COLEC12: variants seen among roughly 807,000 people sequenced by gnomAD.
The protein encoded by COLEC12 is collectin-12.
Under a neutral mutation model 71.1 loss-of-function variants are expected in COLEC12, and 33 were observed. The ratio of observed to expected loss-of-function variants is 0.46; its 90% CI spans 0.35 to 0.62. COLEC12 has a LOEUF of 0.62. Among genes scored for constraint, COLEC12 ranks in the 20% least tolerant of loss-of-function variants. The pLI, the probability that COLEC12 is intolerant of heterozygous loss-of-function variation, is 0.00. For synonymous variants in COLEC12, 350 were observed against 353.0 expected (o/e 0.99, Z 0.10); for missense variants, 765 against 916.1 (o/e 0.84, Z 2.13).
chr18:422,126 G>A (rs1916110771), intron 2 of COLEC12, among the ~76,000 whole-genome samples: 1 of 152,210 alleles, frequency 6.6e-6, no homozygotes, highest in South Asian at 2.1e-4. Flanking sequence ...GGGTTAGGTA[G>A]TGGTCTCCTT....
chr18:347,189 C>T lies in COLEC12; in HGVS notation c.433G>A (p.Ala145Thr). The change falls in exon 5 of 10, where the codon GCT becomes ACT. Residue 145 changes from alanine to threonine, a missense_variant. Physicochemically the swap from Ala to Thr is moderately conservative, Grantham distance 58. Coordinates refer to ENST00000400256, the MANE Select transcript of COLEC12 (RefSeq NM_130386.3). ...AATTGACTCTGCCTGTCCACCAGAG[C>T]ATCCCCGCTCGCCTGTAACTTCTCC... is the stretch of plus-strand genomic sequence containing the variant. ...TLEKLQASGD[A>T]LVDRQSQLKE... The T allele has an allele frequency of 6.2e-7, 1 of 1,614,198 alleles. No individual in the cohort carries two copies. Among genetic ancestry groups the T allele is most frequent in the Non-Finnish European group, 8.5e-7 (1 of 1,180,042 alleles).
chr18:394,943 A>C (rs1915538089), intron 2 of COLEC12, among the ~76,000 whole-genome samples: 2 of 152,306 alleles, frequency 1.3e-5, no homozygotes, highest in Admixed American at 1.3e-4. Flanking sequence ...CAAAACAAAA[A>C]AAACACCTGG....
intron 2 of COLEC12, among the ~76,000 whole-genome samples, chr18:379,412 C>T (rs192488238): frequency 1.5e-3 from 229 of 152,192 alleles, no homozygotes; most frequent in Non-Finnish European, 2.6e-3. Context: ...CAAATGTGAC[C>T]CACTGCACCC....
At chr18:484,370 G>A (rs1043921438) in intron 1 of COLEC12, among the ~76,000 whole-genome samples, 10 of 152,182 alleles carry the variant, frequency 6.6e-5, no homozygotes, top group Non-Finnish European at 1.2e-4. Context: ...AGCACAGGGT[G>A]GGTTCCCTGC....
chr18:495,773 T>C (rs755164215), intron 1 of COLEC12, among the ~76,000 whole-genome samples: 15 of 152,310 alleles, frequency 9.8e-5, no homozygotes, highest in Non-Finnish European at 1.5e-4. Flanking sequence ...AGGGCATAGC[T>C]AGGAGGGAGC....
chr18:325,781 A>G (rs967221235), intron 8 of COLEC12, among the ~76,000 whole-genome samples: 3 of 151,984 alleles, frequency 2.0e-5, no homozygotes, highest in South Asian at 2.1e-4. Context: ...CTCTCACCTC[A>G]GCTTCCTGAA....
intron 2 of COLEC12, among the ~76,000 whole-genome samples, chr18:421,594 T>C (rs143092716): frequency 3.2e-4 from 48 of 152,278 alleles, no homozygotes; most frequent in African/African-American, 1.1e-3. Flanking sequence ...AGAAAGTCAG[T>C]GGCTTAAATC....
chr18:326,705 A>G (rs540517081), intron 8 of COLEC12, among the ~76,000 whole-genome samples: 2 of 152,230 alleles, frequency 1.3e-5, no homozygotes, highest in East Asian at 3.9e-4. Flanking sequence ...CCCAGAATAT[A>G]GTTCATCTTG....
chr18:493,705 A>ATTTGTT (rs1363564099), intron 1 of COLEC12, among the ~76,000 whole-genome samples: 2 of 152,266 alleles, frequency 1.3e-5, no homozygotes, highest in Non-Finnish European at 2.9e-5. Context: ...TGTTTAAAGA[A>ATTTGTT]TAAATGAAGG....
chr18:499,478 G>A (rs1033156595), intron 1 of COLEC12, among the ~76,000 whole-genome samples: 1 of 152,194 alleles, frequency 6.6e-6, no homozygotes, highest in Non-Finnish European at 1.5e-5. Context: ...CGCCTCCCTC[G>A]GACGGCAACC....
At chr18:413,652 C>T (rs1915934367) in intron 2 of COLEC12, among the ~76,000 whole-genome samples, 1 of 152,188 alleles carries the variant, frequency 6.6e-6, no homozygotes. Context: ...AATGAGACCC[C>T]ATCTCTATAA....
At chr18:379,331 T>C (rs1049975114) in intron 2 of COLEC12, among the ~76,000 whole-genome samples, 1 of 151,902 alleles carries the variant, frequency 6.6e-6, no homozygotes, top group Non-Finnish European at 1.5e-5. Flanking sequence ...CTCACTATAT[T>C]ACCCAGGCTG....
At chr18:386,943 G>A (rs1430100978) in intron 2 of COLEC12, among the ~76,000 whole-genome samples, 5 of 152,148 alleles carry the variant, frequency 3.3e-5, no homozygotes, top group Admixed American at 6.5e-5. Context: ...GGTTCTCCAC[G>A]TAGTGAGGAG....
chr18:474,578 T>A (rs541424724), intron 2 of COLEC12, among the ~76,000 whole-genome samples: 1 of 152,154 alleles, frequency 6.6e-6, no homozygotes, highest in African/African-American at 2.4e-5. Flanking sequence ...ATAAAGATTA[T>A]GAAATCTCCT....
rs1170241923 is a variant in COLEC12, at chr18:321,707, A to G, written c.2164T>C (p.Cys722Arg). The G allele has an allele frequency of 6.2e-7, 1 of 1,614,222 alleles. No homozygotes were observed. The highest frequency in any genetic ancestry group is 1.1e-5 in the South Asian group (1 of 91,084). ...IYAGQWNDFQ[C>R]EDVNNFICEK... ...CAAATGAAGTTATTGACGTCTTCAC[A>G]TTGGAAATCGTTCCACTGCCCAGCA... Residue 722 changes from cysteine (C) to arginine (R), a missense_variant, in exon 9 of 10, where the codon TGT (cysteine) becomes CGT (arginine). Physicochemically the swap from Cys to Arg is radical, Grantham distance 180. Coordinates refer to ENST00000400256, the MANE Select transcript of COLEC12 (RefSeq NM_130386.3).
intron 2 of COLEC12, among the ~76,000 whole-genome samples, chr18:404,534 G>A (rs1303818103): frequency 6.6e-6 from 1 of 152,170 alleles, no homozygotes; most frequent in African/African-American, 2.4e-5. Flanking sequence ...GACGAAGGGT[G>A]GTGTTGTGGG....
chr18:373,832 T>C (rs2143542578), intron 2 of COLEC12, among the ~76,000 whole-genome samples: 1 of 152,254 alleles, frequency 6.6e-6, no homozygotes, highest in Middle Eastern at 3.4e-3. Flanking sequence ...TACCGAATGA[T>C]GCCAATATGA....
intron 2 of COLEC12, among the ~76,000 whole-genome samples, chr18:358,264 T>C (rs940621014): frequency 4.6e-5 from 7 of 152,346 alleles, no homozygotes; most frequent in Middle Eastern, 3.4e-3. Context: ...AATTTTTCCA[T>C]GGACCAGAGT....
chr18:334,848 TACCCCAGGCAAGCCTGGC>T lies in COLEC12; in HGVS notation c.1692_1709del (p.Leu567_Gly572del), dbSNP rs758499552. 49 of 1,526,176 alleles carry T rather than the reference TACCCCAGGCAAGCCTGGC, an allele frequency of 3.2e-5. No individual in the cohort carries two copies. The highest frequency in any genetic ancestry group is 3.9e-5 in the Non-Finnish European group (45 of 1,146,340). The allele number at this position is 1,526,176 out of a possible 1,614,324, so 94.5% of individuals were successfully genotyped here. A position where few individuals can be genotyped will look rare whatever the true frequency, so the allele number is the denominator to read the frequency against. Reference sequence around the variant, plus strand: ...GGCCCTTGGGGCCTGGCATGCCTGGTACCCCAGGCAAGCCTGGCAGTCCCCGAGGTCCAGGCACCCCAG... The same window carrying T: ...GGCCCTTGGGGCCTGGCATGCCTGGTAGTCCCCGAGGTCCAGGCACCCCAG... On this transcript the variant is annotated inframe_deletion, in exon 6 of 10. Transcript: ENST00000400256.
Sources: gnomAD v4.1 joint callset for allele counts (sites outside exome capture counted in the v4.1 genomes callset) on GRCh38, gnomAD v4.1.1 for gene constraint, MANE v1.5 for transcripts, NCBI Gene and HGNC (gene_info 2026-07-23, HGNC 2026-07-21) for gene names.